The following NHSL2 variants were observed in gnomAD, a reference collection of about 807,000 sequenced individuals.
NHSL2 encodes NHS-like protein 2.
In NHSL2, 27 loss-of-function variants were observed where a neutral mutation model predicts 53.4. That is an observed-to-expected ratio of 0.51 (90% CI 0.37 to 0.70). The LOEUF (loss-of-function observed/expected upper bound fraction) is 0.70. NHSL2 is among the 30% of genes least tolerant of loss of function. The pLI is 0.00. For synonymous variants in NHSL2, 408 were observed against 404.1 expected, an observed-to-expected ratio of 1.01 and a Z score of -0.12; for missense variants, 892 against 980.1, an observed-to-expected ratio of 0.91 and a Z score of 1.20.
At chrX:71,986,731 T>A (rs1247399580) in intron 1 of NHSL2, among the ~76,000 whole-genome samples, 1 of 112,115 alleles carries the variant, frequency 8.9e-6, no homozygotes, top group Non-Finnish European at 1.9e-5. Context: ...ATCAATCTTC[T>A]AAGAAAACCC....
chrX:71,926,091 C>A (rs936184193), intron 1 of NHSL2, among the ~76,000 whole-genome samples: 4 of 111,636 alleles, frequency 3.6e-5, no homozygotes, highest in African/African-American at 1.3e-4. Flanking sequence ...GGAGAAAAAA[C>A]AGGAAATTGA....
chrX:72,074,302 A>G (rs180880556), intron 1 of NHSL2, among the ~76,000 whole-genome samples: 1 of 112,748 alleles, frequency 8.9e-6, no homozygotes, highest in Admixed American at 9.4e-5. Flanking sequence ...AGTTTATTGA[A>G]TTCTCACATC....
At position 72,044,520 on chromosome X, in the gene NHSL2, G is replaced by T. The variant is rs920115430; in HGVS notation, c.281-87559G>T. On this transcript the variant is annotated intron_variant, in intron 1 of 7. Transcript: ENST00000633930. ...AATGATTACATAAGAAGAGTGGCCC[G>T]CTCTCTCCGGTCCATGCCTCCAAGA... 6.9e-6 allele frequency: 4 copies of T among 579,778 alleles called. No individual in the cohort carries two copies. In the South Asian group the frequency reaches 9.9e-5, roughly 14 times the overall value. The allele number at this position is 579,778 out of a possible 1,213,427, so 47.8% of individuals were successfully genotyped here.
intron 1 of NHSL2, among the ~76,000 whole-genome samples, chrX:72,070,635 G>A (rs1817664792): frequency 9.1e-6 from 1 of 110,189 alleles, no homozygotes; most frequent in African/African-American, 3.3e-5. Flanking sequence ...ACTGCTACCT[G>A]GGGTTAGGCT....
At chrX:72,018,080 T>G (rs1223724288) in intron 1 of NHSL2, among the ~76,000 whole-genome samples, 4 of 111,940 alleles carry the variant, frequency 3.6e-5, no homozygotes, top group African/African-American at 9.8e-5. Context: ...TTACCTGACT[T>G]TCTTCTTAAA....
chrX:71,990,768 G>C (rs2042023811), intron 1 of NHSL2, among the ~76,000 whole-genome samples: 1 of 112,042 alleles, frequency 8.9e-6, no homozygotes, highest in Non-Finnish European at 1.9e-5. Flanking sequence ...ACTTCCCCAA[G>C]GCTTCTCTGC....
At chrX:72,069,801 C>A in intron 1 of NHSL2, 1 of 718,227 alleles carries the variant, frequency 1.4e-6, no homozygotes, top group Non-Finnish European at 1.8e-6. Flanking sequence ...CAGCCAGGGC[C>A]TCCCAGCTGC....
intron 1 of NHSL2, among the ~76,000 whole-genome samples, chrX:72,064,991 G>A (rs771472905): frequency 8.9e-6 from 1 of 112,024 alleles, no homozygotes; most frequent in East Asian, 2.8e-4. Flanking sequence ...AGCCTTTCCA[G>A]ACCCTCTCCA....
At chrX:71,948,869 C>T (rs1331473128) in intron 1 of NHSL2, among the ~76,000 whole-genome samples, 2 of 90,807 alleles carry the variant, frequency 2.2e-5, no homozygotes, top group Non-Finnish European at 4.3e-5. Flanking sequence ...TTTTTTGAGA[C>T]AAGTTCTCTG....
At chrX:72,101,693 C>T (rs924135870) in intron 1 of NHSL2, among the ~76,000 whole-genome samples, 1 of 110,130 alleles carries the variant, frequency 9.1e-6, no homozygotes, top group Non-Finnish European at 1.9e-5. Context: ...TCTTTTTCAT[C>T]GGCCCCACCT....
chrX:71,991,119 G>A (rs1313577819), intron 1 of NHSL2, among the ~76,000 whole-genome samples: 2 of 112,801 alleles, frequency 1.8e-5, no homozygotes, highest in Non-Finnish European at 3.7e-5. Context: ...TCTGGGCTTC[G>A]TGTCTTCAAC....
intron 1 of NHSL2, among the ~76,000 whole-genome samples, chrX:71,980,107 T>C (rs1170042213): frequency 8.9e-6 from 1 of 111,888 alleles, no homozygotes; most frequent in Non-Finnish European, 1.9e-5. Flanking sequence ...CTCTGTTCTG[T>C]TCCATTGGTC....
chrX:71,979,605 G>T (rs1174029476), intron 1 of NHSL2, among the ~76,000 whole-genome samples: 4 of 112,268 alleles, frequency 3.6e-5, no homozygotes, highest in Non-Finnish European at 5.6e-5. Flanking sequence ...TTTTGATGGG[G>T]TTGTTTGTTT....
chrX:71,953,250 A>G (rs2041828837), intron 1 of NHSL2, among the ~76,000 whole-genome samples: 1 of 112,253 alleles, frequency 8.9e-6, no homozygotes, highest in African/African-American at 3.2e-5. Context: ...CTCAAGGCAA[A>G]TGGTCTTGTT....
intron 1 of NHSL2, among the ~76,000 whole-genome samples, chrX:72,096,769 A>G (rs1384906944): frequency 1.8e-5 from 2 of 111,477 alleles, no homozygotes; most frequent in Admixed American, 9.5e-5. Flanking sequence ...TTGAAACTAT[A>G]TATTATCATT....
At chrX:72,060,015 G>A (rs969501176) in intron 1 of NHSL2, among the ~76,000 whole-genome samples, 2 of 111,695 alleles carry the variant, frequency 1.8e-5, no homozygotes, top group Admixed American at 9.5e-5. Context: ...TAGCAGAGTA[G>A]GGATAGCATC....
intron 1 of NHSL2, among the ~76,000 whole-genome samples, chrX:71,953,184 C>G (rs1427161549): frequency 2.7e-5 from 3 of 111,235 alleles, no homozygotes; most frequent in African/African-American, 9.8e-5. Flanking sequence ...TTTGGGCCCT[C>G]TGGCTCTAAA....
At chrX:71,926,650 A>G (rs1360724525) in intron 1 of NHSL2, among the ~76,000 whole-genome samples, 8 of 110,367 alleles carry the variant, frequency 7.2e-5, no homozygotes, top group African/African-American at 2.6e-4. Context: ...ACATACACCA[A>G]TGTCTGGGCT....
At chrX:71,928,809 G>A (rs965234723) in intron 1 of NHSL2, among the ~76,000 whole-genome samples, 8 of 111,425 alleles carry the variant, frequency 7.2e-5, no homozygotes, top group Non-Finnish European at 1.1e-4. Flanking sequence ...ACTAAGGCCC[G>A]GAGAAATGAA....
Sources: allele counts gnomAD v4.1 joint callset (sites outside exome capture counted in the v4.1 genomes callset), GRCh38; gene constraint gnomAD v4.1.1; transcripts MANE v1.5; gene names NCBI Gene and HGNC (gene_info 2026-07-23, HGNC 2026-07-21).